The following ROBO2 variants were observed in gnomAD, a reference collection of about 807,000 sequenced individuals.
ROBO2 encodes the protein roundabout homolog 2.
Under a neutral mutation model 160.8 loss-of-function variants are expected in ROBO2, and 53 were observed. That is an observed-to-expected ratio of 0.33 (90% CI 0.26 to 0.41). ROBO2 has a LOEUF of 0.41. Ranked by LOEUF, ROBO2 falls within the 10% of genes least tolerant of loss-of-function variation. The pLI is 1.00. For missense variants in ROBO2, 1,577 were observed against 1,722.4 expected, an observed-to-expected ratio of 0.92 and a Z score of 1.49; for synonymous variants, 664 against 611.7, an observed-to-expected ratio of 1.09 and a Z score of -1.26.
At chr3:76,465,853 T>C (rs2078330834) in intron 2 of ROBO2, among the ~76,000 whole-genome samples, 2 of 152,024 alleles carry the variant, frequency 1.3e-5, no homozygotes, top group Non-Finnish European at 2.9e-5. Flanking sequence ...TTTTAATTAC[T>C]CTTACTTGGT....
At chr3:76,577,623 C>A (rs1293245202) in intron 2 of ROBO2, among the ~76,000 whole-genome samples, 1 of 152,052 alleles carries the variant, frequency 6.6e-6, no homozygotes, top group Admixed American at 6.6e-5. Flanking sequence ...TGAGTAAGTG[C>A]TTGTATTTAA....
intron 2 of ROBO2, among the ~76,000 whole-genome samples, chr3:76,735,979 T>C (rs2093704090): frequency 6.6e-6 from 1 of 151,652 alleles, no homozygotes; most frequent in Admixed American, 6.6e-5. Flanking sequence ...GTCAAAACTC[T>C]TTTTTAAAAT....
intron 2 of ROBO2, among the ~76,000 whole-genome samples, chr3:75,985,071 T>C (rs921194737): frequency 6.6e-5 from 10 of 151,490 alleles, no homozygotes; most frequent in Non-Finnish European, 1.2e-4. Context: ...TTTATCTAAA[T>C]GGAATAATGT....
At chr3:76,062,737 A>G (rs2068110527) in intron 2 of ROBO2, among the ~76,000 whole-genome samples, 3 of 152,206 alleles carry the variant, frequency 2.0e-5, no homozygotes, top group Admixed American at 1.3e-4. Context: ...TGTTAGCTAT[A>G]GGACTGTCAG....
intron 2 of ROBO2, among the ~76,000 whole-genome samples, chr3:76,559,473 A>G (rs2084020276): frequency 6.6e-6 from 1 of 152,126 alleles, no homozygotes; most frequent in African/African-American, 2.4e-5. Context: ...CAATCAACCA[A>G]TTGGTTAAAA....
intron 2 of ROBO2, among the ~76,000 whole-genome samples, chr3:76,315,874 A>G (rs947170391): frequency 1.3e-5 from 2 of 152,120 alleles, no homozygotes; most frequent in Non-Finnish European, 2.9e-5. Flanking sequence ...GGTTCTTTCT[A>G]TTTTCCCTAA....
chr3:76,020,789 A>G (rs189690131), intron 2 of ROBO2, among the ~76,000 whole-genome samples: 229 of 151,760 alleles, frequency 1.5e-3, no homozygotes, highest in African/African-American at 4.9e-3. Context: ...GTTATTTTCT[A>G]TCTTGCTGAC....
chr3:76,153,919 G>A (rs1188954655), intron 2 of ROBO2, among the ~76,000 whole-genome samples: 1 of 152,078 alleles, frequency 6.6e-6, no homozygotes, highest in Non-Finnish European at 1.5e-5. Context: ...GCCTCCACAA[G>A]AGCATATGGA....
intron 5 of ROBO2, among the ~76,000 whole-genome samples, chr3:77,520,872 C>T (rs2090521800): frequency 6.6e-6 from 1 of 151,292 alleles, no homozygotes; most frequent in Non-Finnish European, 1.5e-5. Flanking sequence ...TTGTTTTTCT[C>T]ACATTTTTAC....
intron 2 of ROBO2, among the ~76,000 whole-genome samples, chr3:76,770,402 A>G (rs943019120): frequency 6.6e-6 from 1 of 151,240 alleles, no homozygotes; most frequent in Non-Finnish European, 1.5e-5. Flanking sequence ...TTTCTAGATG[A>G]TCATAATTAA....
chr3:76,958,265 G>A (rs2079418398), intron 2 of ROBO2, among the ~76,000 whole-genome samples: 1 of 152,048 alleles, frequency 6.6e-6, no homozygotes. Flanking sequence ...ATTACAGTCT[G>A]TTTTCTAAGC....
At chr3:76,028,505 C>T (rs2066816102) in intron 2 of ROBO2, among the ~76,000 whole-genome samples, 1 of 151,790 alleles carries the variant, frequency 6.6e-6, no homozygotes, top group Non-Finnish European at 1.5e-5. Flanking sequence ...TCATAAGAGA[C>T]TTGTTAGATT....
chr3:76,228,913 G>T (rs529882148), intron 2 of ROBO2, among the ~76,000 whole-genome samples: 1 of 152,212 alleles, frequency 6.6e-6, no homozygotes, highest in Non-Finnish European at 1.5e-5. Flanking sequence ...TTGTGACGCT[G>T]AGATGGGAGG....
intron 2 of ROBO2, among the ~76,000 whole-genome samples, chr3:77,360,487 A>G (rs1012606834): frequency 5.3e-5 from 8 of 152,268 alleles, no homozygotes; most frequent in Admixed American, 1.3e-4. Flanking sequence ...ATAAAATGCT[A>G]TAACTGTCAC....
chr3:77,482,042 T>A lies in ROBO2; in HGVS notation c.667+823T>A, dbSNP rs150218330. Reference sequence around the variant, plus strand: ...ACATTCTATTTAAATTCTATTTAAATCTCTGTATAGACATACACATTTATA... The same window carrying A: ...ACATTCTATTTAAATTCTATTTAAAACTCTGTATAGACATACACATTTATA... On this transcript the variant is annotated intron_variant, in intron 4 of 25. Transcript: ENST00000461745. Among the ~76,000 whole-genome samples, 604 of 152,282 alleles carry A rather than the reference T, an allele frequency of 4.0e-3. 2 individuals are homozygous for A. Among genetic ancestry groups the A allele is most frequent in the Non-Finnish European group, 7.1e-3 (482 of 68,010 alleles).
In ROBO2 at chr3:76,674,499, C is replaced by T. The variant is rs150172983; in HGVS notation, c.110-423515C>T. On this transcript the variant is annotated intron_variant, in intron 2 of 26. Coordinates refer to the ROBO2 transcript ENST00000487694. ...CAGCTGGACCCTGAGTTCCAATTGACGGCAGTCTCTCAAGTCCTTTCCAAA... is the reference window on the plus strand; with the variant it reads ...CAGCTGGACCCTGAGTTCCAATTGATGGCAGTCTCTCAAGTCCTTTCCAAA... 5.1e-3 allele frequency among the ~76,000 whole-genome samples: 767 copies of T among 151,816 alleles called. 5 individuals carry two copies. Among genetic ancestry groups the T allele is most frequent in the Non-Finnish European group, 4.9e-3 (336 of 67,968 alleles).
intron 1 of ROBO2, among the ~76,000 whole-genome samples, chr3:75,919,977 C>CA: frequency 6.6e-6 from 1 of 152,128 alleles, no homozygotes; most frequent in South Asian, 2.1e-4. Context: ...TTAATCTTTT[C>CA]AAAAAACCCA....
At chr3:76,046,518 A>AG (rs373079983) in intron 2 of ROBO2, among the ~76,000 whole-genome samples, 1 of 151,790 alleles carries the variant, frequency 6.6e-6, no homozygotes, top group Non-Finnish European at 1.5e-5. Flanking sequence ...GCGTGGTGGC[A>AG]GCGCCTGCAG....
intron 2 of ROBO2, among the ~76,000 whole-genome samples, chr3:76,518,878 T>C (rs914641575): frequency 2.0e-5 from 3 of 152,162 alleles, no homozygotes; most frequent in Non-Finnish European, 4.4e-5. Context: ...CAGAGATGAA[T>C]AACAGTTTAT....
Sources: gnomAD v4.1 joint callset for allele counts (sites outside exome capture counted in the v4.1 genomes callset) on GRCh38, gnomAD v4.1.1 for gene constraint, MANE v1.5 for transcripts, NCBI Gene and HGNC (gene_info 2026-07-23, HGNC 2026-07-21) for gene names.